FAT3: variants seen among roughly 807,000 people sequenced by gnomAD.
FAT3 encodes the protein protocadherin Fat 3.
In FAT3, 95 loss-of-function variants were observed where a neutral mutation model predicts 310.2. The observed-to-expected ratio is 0.31, with a 90% CI of 0.26 to 0.36. The LOEUF (loss-of-function observed/expected upper bound fraction) is 0.36. Among genes scored for constraint, FAT3 ranks in the 10% least tolerant of loss-of-function variants. The pLI is 1.00. For synonymous variants in FAT3, 2,314 were observed against 2,192.9 expected, an observed-to-expected ratio of 1.06 and a Z score of -1.54; for missense variants, 5,408 against 5,715.6, an observed-to-expected ratio of 0.95 and a Z score of 1.74.
intron 3 of FAT3, among the ~76,000 whole-genome samples, chr11:92,563,133 C>G: frequency 6.6e-6 from 1 of 152,186 alleles, no homozygotes; most frequent in African/African-American, 2.4e-5. Context: ...ACGTTGTACC[C>G]ATGGATTCTC....
chr11:92,666,545 A>G (rs1433275525), intron 3 of FAT3, among the ~76,000 whole-genome samples: 1 of 147,394 alleles, frequency 6.8e-6, no homozygotes, highest in African/African-American at 2.5e-5. Context: ...TATCTTTAGT[A>G]GAGACGGGGT....
At chr11:92,879,988 C>T (rs1437188033) in intron 22 of FAT3, among the ~76,000 whole-genome samples, 1 of 151,758 alleles carries the variant, frequency 6.6e-6, no homozygotes, top group African/African-American at 2.4e-5. Context: ...AAAGAACACC[C>T]TTACTAGTTA....
chr11:92,294,223 C>T (rs919399256), intron 1 of FAT3, among the ~76,000 whole-genome samples: 3 of 152,042 alleles, frequency 2.0e-5, no homozygotes, highest in African/African-American at 7.2e-5. Context: ...AAATAATTCT[C>T]TGGTGTGTTT....
chr11:92,683,029 G>C (rs1304439178), intron 3 of FAT3, among the ~76,000 whole-genome samples: 1 of 135,246 alleles, frequency 7.4e-6, no homozygotes, highest in Non-Finnish European at 1.5e-5. Flanking sequence ...AGTGAGCTGA[G>C]ATCATGCCAT....
chr11:92,839,235 C>G (rs1463351612), intron 17 of FAT3, among the ~76,000 whole-genome samples: 2 of 152,204 alleles, frequency 1.3e-5, no homozygotes, highest in Non-Finnish European at 2.9e-5. Flanking sequence ...TGGTGGGGCC[C>G]CTATCCGCAG....
chr11:92,319,881 T>C (rs1348419052), intron 1 of FAT3, among the ~76,000 whole-genome samples: 1 of 152,164 alleles, frequency 6.6e-6, no homozygotes, highest in Non-Finnish European at 1.5e-5. Context: ...TTAATAGTTA[T>C]GGGAGAGGAG....
chr11:92,642,479 T>G (rs1941999768), intron 3 of FAT3, among the ~76,000 whole-genome samples: 1 of 152,226 alleles, frequency 6.6e-6, no homozygotes, highest in Non-Finnish European at 1.5e-5. Flanking sequence ...AGGAAGCCCA[T>G]TCTGCTAAGT....
Position 92,739,539 on chromosome 11 carries a change from C to T in FAT3, c.3670-22317C>T, listed in dbSNP as rs149919272. On this transcript the variant is annotated intron_variant, in intron 4 of 27. Transcript: ENST00000525166. ...CTCTTACTGTTATATGACAAGACTT[C>T]GCAGAACATTCTCTACATATTTTGG... 1.5e-3 allele frequency among the ~76,000 whole-genome samples: 224 copies of T among 152,266 alleles called. 1 individual carries two copies. The highest frequency in any genetic ancestry group is 5.0e-3 in the African/African-American group (207 of 41,554).
At chr11:92,228,473 C>A (rs1864018277) in intron 1 of FAT3, among the ~76,000 whole-genome samples, 2 of 152,184 alleles carry the variant, frequency 1.3e-5, no homozygotes, top group African/African-American at 4.8e-5. Flanking sequence ...AGCTATGGCT[C>A]TTCAGGCTGC....
At chr11:92,388,150 T>C (rs538958831) in intron 2 of FAT3, among the ~76,000 whole-genome samples, 1 of 152,350 alleles carries the variant, frequency 6.6e-6, no homozygotes, top group African/African-American at 2.4e-5. Context: ...ATTTTTATTA[T>C]TTCAGCATGG....
intron 3 of FAT3, among the ~76,000 whole-genome samples, chr11:92,617,601 C>A (rs1055198142): frequency 3.3e-5 from 5 of 152,148 alleles, no homozygotes; most frequent in Non-Finnish European, 7.3e-5. Flanking sequence ...TGGTTTCTCC[C>A]CATCTTTATG....
Position 92,346,000 on chromosome 11 carries a change from T to C in FAT3, c.-17-6096T>C, listed in dbSNP as rs1256234218. Among the ~76,000 whole-genome samples the C allele has an allele frequency of 2.0e-5, 3 of 152,322 alleles. No homozygotes were observed. The East Asian group carries it at 5.8e-4, about 29-fold the overall frequency. On this transcript the variant is annotated intron_variant, in intron 1 of 27. Transcript: ENST00000525166. Reference sequence around the variant, plus strand: ...GCTAAATTATTGTGATTCAAATACTTAGTATATTATCTTATACATTCTCTA... The same window carrying C: ...GCTAAATTATTGTGATTCAAATACTCAGTATATTATCTTATACATTCTCTA...
intron 3 of FAT3, among the ~76,000 whole-genome samples, chr11:92,603,917 T>C (rs1265689445): frequency 6.6e-6 from 1 of 152,226 alleles, no homozygotes; most frequent in Non-Finnish European, 1.5e-5. Flanking sequence ...CAAACTGGGA[T>C]ACATATTTTA....
At chr11:92,489,136 G>C (rs1053652393) in intron 2 of FAT3, among the ~76,000 whole-genome samples, 1 of 152,036 alleles carries the variant, frequency 6.6e-6, no homozygotes, top group Non-Finnish European at 1.5e-5. Flanking sequence ...TTACTTCACT[G>C]CTTAGAATTC....
Position 92,303,976 on chromosome 11 carries a change from T to C in FAT3, c.-17-48120T>C, listed in dbSNP as rs899372079. Among the ~76,000 whole-genome samples, 6 of 152,236 alleles carry C rather than the reference T, an allele frequency of 3.9e-5. No individual in the cohort carries two copies. In the East Asian group the frequency reaches 7.8e-4, roughly 20 times the overall value. On this transcript the variant is annotated intron_variant, in intron 1 of 27. Coordinates refer to ENST00000525166, the MANE Select transcript of FAT3 (RefSeq NM_001367949.2). ...AGATTTCAGTTGATGGCCCATGAGA[T>C]TTGACAACATATTCTGTTTGATATT... is the stretch of plus-strand genomic sequence containing the variant.
At chr11:92,591,583 T>C (rs1939429113) in intron 3 of FAT3, among the ~76,000 whole-genome samples, 1 of 152,188 alleles carries the variant, frequency 6.6e-6, no homozygotes, top group Admixed American at 6.5e-5. Flanking sequence ...CTGTAATGTT[T>C]TCTTTCAGAA....
intron 2 of FAT3, among the ~76,000 whole-genome samples, chr11:92,481,589 C>A (rs567041719): frequency 6.6e-6 from 1 of 152,256 alleles, no homozygotes; most frequent in African/African-American, 2.4e-5. Flanking sequence ...CAGATAATTT[C>A]TCAGGATATT....
chr11:92,887,380 T>G (rs1949820376), intron 25 of FAT3, among the ~76,000 whole-genome samples: 1 of 152,242 alleles, frequency 6.6e-6, no homozygotes, highest in Non-Finnish European at 1.5e-5. Context: ...TCCTCTTTTA[T>G]TTGGTTTGTG....
intron 2 of FAT3, among the ~76,000 whole-genome samples, chr11:92,460,626 G>C (rs1951612753): frequency 6.6e-6 from 1 of 152,224 alleles, no homozygotes; most frequent in South Asian, 2.1e-4. Flanking sequence ...CAGTGATACA[G>C]AGCTTGCTAC....
Sources: allele counts gnomAD v4.1 joint callset (sites outside exome capture counted in the v4.1 genomes callset), GRCh38; gene constraint gnomAD v4.1.1; transcripts MANE v1.5; gene names NCBI Gene and HGNC (gene_info 2026-07-23, HGNC 2026-07-21).